Variants in COL25A1 observed in about 807,000 individuals in gnomAD.
COL25A1 encodes collagen type XXV alpha 1 chain.
In COL25A1, 103 loss-of-function variants were observed where a neutral mutation model predicts 128.4. That is an observed-to-expected ratio of 0.80 (90% confidence interval 0.68 to 0.94). The LOEUF (loss-of-function observed/expected upper bound fraction) is 0.94, where lower values mean the gene tolerates loss of function less well. Among genes scored for constraint, COL25A1 ranks in the 40% least tolerant of loss-of-function variants. The pLI is 0.00. For synonymous variants in COL25A1, 279 were observed against 277.2 expected (o/e 1.01, Z -0.06); for missense variants, 745 against 840.0 (o/e 0.89, Z 1.40).
At chr4:109,299,142 C>T (rs1258122891) in intron 3 of COL25A1, among the ~76,000 whole-genome samples, 1 of 152,104 alleles carries the variant, frequency 6.6e-6, no homozygotes, top group Non-Finnish European at 1.5e-5. Context: ...CTATTTTTCA[C>T]AGAGCTAGTA....
intron 3 of COL25A1, among the ~76,000 whole-genome samples, chr4:109,216,384 G>A (rs1778000616): frequency 6.6e-6 from 1 of 152,102 alleles, no homozygotes; most frequent in Admixed American, 6.6e-5. Flanking sequence ...ATGCTTATGG[G>A]TTGAATTGTG....
chr4:108,952,452 G>A (rs1297896094), intron 8 of COL25A1, among the ~76,000 whole-genome samples: 1 of 152,142 alleles, frequency 6.6e-6, no homozygotes, highest in Non-Finnish European at 1.5e-5. Flanking sequence ...CAAAAATGGT[G>A]TAAAAGTGGG....
chr4:108,974,137 T>C (rs1444870654), intron 8 of COL25A1, among the ~76,000 whole-genome samples: 2 of 152,310 alleles, frequency 1.3e-5, no homozygotes, highest in Middle Eastern at 3.4e-3. Context: ...TTACTCAATA[T>C]GTCTAATTAT....
At chr4:109,093,680 T>C (rs1303283211) in intron 3 of COL25A1, among the ~76,000 whole-genome samples, 1 of 151,836 alleles carries the variant, frequency 6.6e-6, no homozygotes, top group Non-Finnish European at 1.5e-5. Context: ...AAAATGTGGG[T>C]TTTAAAGTAA....
intron 18 of COL25A1, among the ~76,000 whole-genome samples, chr4:108,884,526 T>C (rs1426161258): frequency 6.6e-6 from 1 of 152,168 alleles, no homozygotes; most frequent in African/African-American, 2.4e-5. Context: ...TCATTATTTC[T>C]TCCTTAAATG....
At chr4:109,188,206 T>C (rs1775302491) in intron 3 of COL25A1, among the ~76,000 whole-genome samples, 1 of 152,122 alleles carries the variant, frequency 6.6e-6, no homozygotes, top group African/African-American at 2.4e-5. Context: ...ACAACAAATA[T>C]ACAACTGGTC....
chr4:109,293,180 G>A (rs1041729484), intron 3 of COL25A1, among the ~76,000 whole-genome samples: 3 of 151,932 alleles, frequency 2.0e-5, no homozygotes, highest in Admixed American at 2.0e-4. Context: ...TTTCACTGTA[G>A]CATCTTAAAG....
chr4:109,182,090 A>G (rs1216268739), intron 3 of COL25A1, among the ~76,000 whole-genome samples: 2 of 152,130 alleles, frequency 1.3e-5, no homozygotes, highest in East Asian at 3.9e-4. Context: ...TTCCCTATCC[A>G]GTTATCCATT....
chr4:109,092,470 C>A (rs969358144), intron 3 of COL25A1, among the ~76,000 whole-genome samples: 1 of 152,140 alleles, frequency 6.6e-6, no homozygotes, highest in Non-Finnish European at 1.5e-5. Context: ...GCCTGGGTGA[C>A]AGAGCGAGAT....
intron 5 of COL25A1, among the ~76,000 whole-genome samples, chr4:109,022,986 C>T (rs1648039): frequency 0.5 from 76,097 of 151,592 alleles, 21,820 homozygotes; most frequent in African/African-American, 0.77. Flanking sequence ...GAGCACCATA[C>T]ACTTCCTGTT....
At chr4:109,253,857 G>A (rs1350930595) in intron 3 of COL25A1, among the ~76,000 whole-genome samples, 2 of 152,156 alleles carry the variant, frequency 1.3e-5, no homozygotes, top group Admixed American at 6.5e-5. Flanking sequence ...GGAGGCCAAG[G>A]CGGGCGGATC....
In COL25A1 at chr4:108,937,703, T is replaced by C. The variant is rs1747599990; in HGVS notation, c.708+105A>G. Reference sequence around the variant, plus strand: ...TTTAACTTTTACTAATTTTCACTTTTTTATTATAGTCTGTCATATGACAGA... The same window carrying C: ...TTTAACTTTTACTAATTTTCACTTTCTTATTATAGTCTGTCATATGACAGA... On this transcript the variant is annotated intron_variant, in intron 11 of 37. Transcript: ENST00000399132. 1.3e-5 allele frequency: 13 copies of C among 963,344 alleles called. 1 individual carries two copies. The South Asian group carries it at 2.4e-4, about 18-fold the overall frequency. 59.7% of individuals were successfully genotyped at this position (963,344 alleles called of 1,614,324 possible).
At chr4:109,153,381 C>CAAAA (rs34880736) in intron 3 of COL25A1, among the ~76,000 whole-genome samples, 1 of 115,978 alleles carries the variant, frequency 8.6e-6, no homozygotes, top group East Asian at 2.4e-4. Context: ...AGCTCCATCT[C>CAAAA]AAAAAAAAAA....
chr4:108,926,913 T>G lies in COL25A1; in HGVS notation c.709-6309A>C, dbSNP rs114601797. Among the ~76,000 whole-genome samples, 819 of 152,064 alleles carry G rather than the reference T, an allele frequency of 5.4e-3. 4 individuals carry two copies. The highest frequency in any genetic ancestry group is 0.01 in the South Asian group (50 of 4,814). On this transcript the variant is annotated intron_variant, in intron 11 of 37. Transcript: ENST00000399132. Reference sequence around the variant, plus strand: ...CCAACTAGAAACTGTTGGGAAATGTTTAGAATATAAGAGAGTGCACTGCAA... The same window carrying G: ...CCAACTAGAAACTGTTGGGAAATGTGTAGAATATAAGAGAGTGCACTGCAA...
At chr4:108,942,708 C>T (rs191714163) in intron 8 of COL25A1, among the ~76,000 whole-genome samples, 136 of 151,484 alleles carry the variant, frequency 9.0e-4, no homozygotes, top group African/African-American at 3.1e-3. Context: ...CCTTAGCCTC[C>T]CAAAGTACTG....
rs865936683 is a variant in COL25A1 at position 109,008,436 on chromosome 4, C to G, written c.438+1922G>C. ...CCTGTGTCATTTCTCCACTCTCTCACGATGCTTTCTAGGATCATCTCTCAA... is the reference window on the plus strand; with the variant it reads ...CCTGTGTCATTTCTCCACTCTCTCAGGATGCTTTCTAGGATCATCTCTCAA... On this transcript the variant is annotated intron_variant, in intron 6 of 37. Transcript: ENST00000399132. Among the ~76,000 whole-genome samples, 5 of 152,264 alleles carry G rather than the reference C, an allele frequency of 3.3e-5. No homozygotes were observed. In the South Asian group the frequency reaches 1.0e-3, roughly 32 times the overall value.
chr4:109,265,710 C>A (rs564108379), intron 3 of COL25A1, among the ~76,000 whole-genome samples: 32 of 152,240 alleles, frequency 2.1e-4, no homozygotes, highest in African/African-American at 7.5e-4. Flanking sequence ...CACCACCAGA[C>A]CTTCCTAAAT....
At chr4:108,964,028 T>C (rs1471257609) in intron 8 of COL25A1, among the ~76,000 whole-genome samples, 2 of 150,810 alleles carry the variant, frequency 1.3e-5, no homozygotes, top group African/African-American at 4.8e-5. Context: ...ATTATTTACA[T>C]ATCATATGTA....
chr4:109,181,099 G>T (rs2126145126), intron 3 of COL25A1, among the ~76,000 whole-genome samples: 1 of 152,196 alleles, frequency 6.6e-6, no homozygotes, highest in East Asian at 1.9e-4. Flanking sequence ...TTAAATTACA[G>T]CACTCCTAAA....
Sources: allele counts gnomAD v4.1 joint callset (sites outside exome capture counted in the v4.1 genomes callset), GRCh38; gene constraint gnomAD v4.1.1; transcripts MANE v1.5; gene names NCBI Gene and HGNC (gene_info 2026-07-23, HGNC 2026-07-21).